CTNNA3: variants seen among roughly 807,000 people sequenced by gnomAD.
CTNNA3 encodes catenin alpha 3.
In CTNNA3, 76 loss-of-function variants were observed where a neutral mutation model predicts 95.7. The ratio of observed to expected loss-of-function variants is 0.79; its 90% CI spans 0.66 to 0.96. The LOEUF (loss-of-function observed/expected upper bound fraction) is 0.96, where lower values mean the gene tolerates loss of function less well. Ranked by LOEUF, CTNNA3 falls within the 40% of genes least tolerant of loss-of-function variation. The probability of loss-of-function intolerance (pLI) is 0.00; values close to 1 mark genes in which losing one functional copy is unlikely to be tolerated. For synonymous variants in CTNNA3, 431 were observed against 374.4 expected, an observed-to-expected ratio of 1.15 and a Z score of -1.74; for missense variants, 1,191 against 1,089.8, an observed-to-expected ratio of 1.09 and a Z score of -1.31.
chr10:66,926,340 T>C (rs766147718), intron 7 of CTNNA3: 2 of 604,386 alleles, frequency 3.3e-6, no homozygotes, highest in African/African-American at 1.9e-5. Context: ...AAGATCCTAT[T>C]ACCTAGGAAG....
chr10:66,532,964 T>C (rs1446584468), intron 10 of CTNNA3, among the ~76,000 whole-genome samples: 1 of 151,982 alleles, frequency 6.6e-6, no homozygotes, highest in Non-Finnish European at 1.5e-5. Flanking sequence ...CAAGATACTA[T>C]GTCCACTGCC....
intron 7 of CTNNA3, among the ~76,000 whole-genome samples, chr10:67,074,428 G>A (rs1486763910): frequency 1.5e-5 from 2 of 133,730 alleles, no homozygotes; most frequent in Non-Finnish European, 3.0e-5. Flanking sequence ...TCGGCTCACT[G>A]CAAGCTCCAC....
chr10:66,125,806 G>T (rs1174721090), intron 13 of CTNNA3, among the ~76,000 whole-genome samples: 9 of 152,166 alleles, frequency 5.9e-5, no homozygotes, highest in Non-Finnish European at 1.5e-5. Context: ...AACAAAACTA[G>T]AGGAACAGTA....
intron 12 of CTNNA3, among the ~76,000 whole-genome samples, chr10:66,315,561 G>A (rs183689285): frequency 1.3e-4 from 20 of 151,726 alleles, no homozygotes; most frequent in South Asian, 2.1e-4. Flanking sequence ...AACACTGATC[G>A]TAACTTGGTT....
Position 67,105,260 on chromosome 10 carries a change from G to GATAGATAGATAGATAT in CTNNA3, c.1047+75056_1047+75057insATATCTATCTATCTAT, listed in dbSNP as rs924409565. On this transcript the variant is annotated intron_variant, in intron 7 of 17. Transcript: ENST00000433211. ...TGATAGATAGATAGATAGATAGATA[G>GATAGATAGATAGATAT]AATTAATTCTACCAAAAGAGAGACT... 7.7e-4 allele frequency among the ~76,000 whole-genome samples: 117 copies of GATAGATAGATAGATAT among 152,090 alleles called. 1 individual carries two copies. The highest frequency in any genetic ancestry group is 2.7e-3 in the African/African-American group (114 of 41,538).
chr10:66,165,794 A>G (rs993885789), intron 13 of CTNNA3, among the ~76,000 whole-genome samples: 1 of 151,834 alleles, frequency 6.6e-6, no homozygotes, highest in Non-Finnish European at 1.5e-5. Context: ...TTTGAGATGG[A>G]GTCTTGCTCT....
At chr10:66,330,218 C>A (rs769415615) in intron 12 of CTNNA3, among the ~76,000 whole-genome samples, 6 of 151,834 alleles carry the variant, frequency 4.0e-5, no homozygotes, top group East Asian at 3.9e-4. Context: ...TCCCTCCCCC[C>A]CTCTCCCCAC....
At chr10:66,669,827 A>G (rs896998734) in intron 9 of CTNNA3, among the ~76,000 whole-genome samples, 1 of 152,220 alleles carries the variant, frequency 6.6e-6, no homozygotes, top group South Asian at 2.1e-4. Flanking sequence ...AGTTAATTAA[A>G]TAGAGTTTAT....
intron 7 of CTNNA3, among the ~76,000 whole-genome samples, chr10:66,782,431 T>C (rs1205200434): frequency 1.3e-5 from 2 of 152,196 alleles, no homozygotes; most frequent in Non-Finnish European, 2.9e-5. Flanking sequence ...TAATTCATAA[T>C]CTGAGACTCA....
chr10:67,566,043 G>GTATATATATACATATATATATATATATA lies in CTNNA3; in HGVS notation c.293-26375_293-26374insTATATATATATATATATGTATATATATA, dbSNP rs1841769129. ...CACACACACACACATATGTGTGTGT[G>GTATATATATACATATATATATATATATA]TATATATATATATATATATATATAT... On this transcript the variant is annotated intron_variant, in intron 3 of 17. Transcript: ENST00000433211. 4.5e-4 allele frequency among the ~76,000 whole-genome samples: 12 copies of GTATATATATACATATATATATATATATA among 26,962 alleles called. 1 individual carries two copies. Among genetic ancestry groups the GTATATATATACATATATATATATATATA allele is most frequent in the Non-Finnish European group, 7.6e-4 (12 of 15,836 alleles). The allele number at this position is 26,962 out of a possible 152,430, so 17.7% of individuals were successfully genotyped here.
At chr10:66,489,953 T>C (rs1379979310) in intron 11 of CTNNA3, among the ~76,000 whole-genome samples, 1 of 152,238 alleles carries the variant, frequency 6.6e-6, no homozygotes, top group Non-Finnish European at 1.5e-5. Context: ...GGAATGCTGG[T>C]TTCCATTTTT....
intron 15 of CTNNA3, among the ~76,000 whole-genome samples, chr10:66,051,356 G>A (rs1414385309): frequency 6.6e-6 from 1 of 152,194 alleles, no homozygotes; most frequent in African/African-American, 2.4e-5. Context: ...GAACAAATAA[G>A]TGAATGAATC....
chr10:66,097,194 T>C (rs1424011360), intron 14 of CTNNA3, among the ~76,000 whole-genome samples: 1 of 152,122 alleles, frequency 6.6e-6, no homozygotes, highest in Non-Finnish European at 1.5e-5. Context: ...AAAAGACTTC[T>C]GGTAGTAAAG....
intron 7 of CTNNA3, among the ~76,000 whole-genome samples, chr10:66,852,438 A>G (rs565722685): frequency 6.6e-6 from 1 of 152,280 alleles, no homozygotes; most frequent in South Asian, 2.1e-4. Context: ...GTGTTCAGAA[A>G]TATATTCAAG....
chr10:66,777,364 T>C (rs1840343868), intron 7 of CTNNA3, among the ~76,000 whole-genome samples: 1 of 152,134 alleles, frequency 6.6e-6, no homozygotes, highest in African/African-American at 2.4e-5. Flanking sequence ...GATTGTGGAA[T>C]GTGTACACCA....
rs1400542291 is a variant in CTNNA3 at position 67,355,257 on chromosome 10, T to C, written c.580-135387A>G. ...ACACTGACCCCATTCCCTGTCCCTA[T>C]ATCAAATGTAAACAAGACAGGCAGA... On this transcript the variant is annotated intron_variant, in intron 5 of 17. Coordinates refer to ENST00000433211, the MANE Select transcript of CTNNA3 (RefSeq NM_013266.4). Among the ~76,000 whole-genome samples, 4 of 151,964 alleles carry C rather than the reference T, an allele frequency of 2.6e-5. No homozygotes were observed. The East Asian group carries it at 7.7e-4, about 29-fold the overall frequency.
At chr10:67,014,002 T>C (rs1445052127) in intron 7 of CTNNA3, among the ~76,000 whole-genome samples, 2 of 152,098 alleles carry the variant, frequency 1.3e-5, no homozygotes, top group Non-Finnish European at 2.9e-5. Flanking sequence ...TCCAGAGAAT[T>C]TGTCTCTAAA....
chr10:66,581,609 T>C (rs1843191240), intron 10 of CTNNA3, among the ~76,000 whole-genome samples: 1 of 151,784 alleles, frequency 6.6e-6, no homozygotes, highest in Non-Finnish European at 1.5e-5. Flanking sequence ...GTCTGTTTAC[T>C]GTAATGATTA....
At chr10:67,644,548 T>C (rs1293869398) in intron 2 of CTNNA3, among the ~76,000 whole-genome samples, 2 of 152,084 alleles carry the variant, frequency 1.3e-5, no homozygotes, top group Admixed American at 1.3e-4. Flanking sequence ...TGTTGGTGGG[T>C]TATACATGAT....
Sources: gnomAD v4.1 joint callset for allele counts (sites outside exome capture counted in the v4.1 genomes callset) on GRCh38, gnomAD v4.1.1 for gene constraint, MANE v1.5 for transcripts, NCBI Gene and HGNC (gene_info 2026-07-23, HGNC 2026-07-21) for gene names.